The following DAPK1 variants were observed in gnomAD, a reference collection of about 807,000 sequenced individuals.
DAPK1 encodes death-associated protein kinase 1.
DAPK1 carries 56 observed loss-of-function variants against 144.9 expected under a neutral mutation model. The observed-to-expected ratio is 0.39, with a 90% confidence interval of 0.31 to 0.48. The LOEUF (loss-of-function observed/expected upper bound fraction) is 0.48, where lower values mean the gene tolerates loss of function less well. Among genes scored for constraint, DAPK1 ranks in the 20% least tolerant of loss-of-function variants. The pLI, the probability that DAPK1 is intolerant of heterozygous loss-of-function variation, is 0.95. For synonymous variants in DAPK1, 690 were observed against 749.0 expected, an observed-to-expected ratio of 0.92 and a Z score of 1.29; for missense variants, 1,454 against 1,875.4, an observed-to-expected ratio of 0.78 and a Z score of 4.15.
Position 87,699,496 on chromosome 9 carries a change from T to C in DAPK1, c.2751-621T>C, listed in dbSNP as rs145074450. Among the ~76,000 whole-genome samples, 394 of 152,314 alleles carry C rather than the reference T, an allele frequency of 2.6e-3. 2 individuals are homozygous for C. The highest frequency in any genetic ancestry group is 8.1e-3 in the African/African-American group (336 of 41,578). ...GATAGGATAGATCAGATGTCAAGTA[T>C]TATTTTGTAAAACGTTTGTTTCACT... On this transcript the variant is annotated intron_variant, in intron 23 of 25. Coordinates refer to ENST00000408954, the MANE Select transcript of DAPK1 (RefSeq NM_004938.4).
intron 17 of DAPK1, among the ~76,000 whole-genome samples, chr9:87,655,158 C>G (rs565836177): frequency 6.6e-6 from 1 of 152,260 alleles, no homozygotes; most frequent in South Asian, 2.1e-4. Context: ...AGTTTCAACC[C>G]CTTGGAATTA....
At chr9:87,585,070 A>G (rs1485635942) in intron 2 of DAPK1, among the ~76,000 whole-genome samples, 1 of 152,208 alleles carries the variant, frequency 6.6e-6, no homozygotes, top group Admixed American at 6.5e-5. Context: ...TACCATGTAT[A>G]TATTTTGACT....
At chr9:87,529,536 A>C (rs1825635371) in intron 2 of DAPK1, among the ~76,000 whole-genome samples, 1 of 152,240 alleles carries the variant, frequency 6.6e-6, no homozygotes, top group African/African-American at 2.4e-5. Context: ...GTAGATGCTC[A>C]GTAAAAAGTT....
chr9:87,534,731 G>T (rs945001495), intron 2 of DAPK1, among the ~76,000 whole-genome samples: 2 of 150,572 alleles, frequency 1.3e-5, no homozygotes, highest in African/African-American at 4.9e-5. Flanking sequence ...TGCAACCTCC[G>T]CCTCCCAGGT....
intron 3 of DAPK1, among the ~76,000 whole-genome samples, chr9:87,606,393 ATT>A (rs1164471012): frequency 2.0e-5 from 3 of 152,178 alleles, no homozygotes; most frequent in Non-Finnish European, 4.4e-5. Flanking sequence ...TGAGATAAGA[ATT>A]TTTAAATACC....
chr9:87,619,532 A>G (rs1234540251), intron 3 of DAPK1, among the ~76,000 whole-genome samples: 1 of 152,186 alleles, frequency 6.6e-6, no homozygotes, highest in Non-Finnish European at 1.5e-5. Flanking sequence ...AGCCACAGGC[A>G]CTGCTTCCCG....
chr9:87,641,865 G>C, intron 9 of DAPK1, 104 bp from the exon 10 acceptor site: 4 of 836,474 alleles, frequency 4.8e-6, no homozygotes, highest in South Asian at 1.7e-5. Context: ...TTAATAAGGT[G>C]AATGTGTAAG....
At chr9:87,561,380 G>A (rs999021068) in intron 2 of DAPK1, among the ~76,000 whole-genome samples, 27 of 152,230 alleles carry the variant, frequency 1.8e-4, no homozygotes, top group African/African-American at 5.1e-4. Context: ...CAAAAAATTA[G>A]CCGGGCGTTG....
At chr9:87,681,762 C>T in intron 20 of DAPK1, 136 bp downstream of exon 20, 2 of 675,604 alleles carry the variant, frequency 3.0e-6, no homozygotes, top group Non-Finnish European at 5.4e-6. Context: ...TAGTGGTTTT[C>T]AGGTCCAGGT....
chr9:87,702,158 C>A (rs1825477949), intron 24 of DAPK1, among the ~76,000 whole-genome samples: 1 of 152,106 alleles, frequency 6.6e-6, no homozygotes, highest in African/African-American at 2.4e-5. Flanking sequence ...ACTGCACTCA[C>A]CCCTGAGAAT....
chr9:87,577,132 A>G (rs142142925), intron 2 of DAPK1, among the ~76,000 whole-genome samples: 27 of 152,330 alleles, frequency 1.8e-4, no homozygotes, highest in African/African-American at 5.1e-4. Flanking sequence ...ATGGAACTCA[A>G]GATCAACGAG....
Position 87,672,773 on chromosome 9 carries a change from C to T in DAPK1, c.2001+4099C>T, listed in dbSNP as rs368810620. ...TAACTGCTTGGCACCTGGGCACACCCGGTACTGGAATTTGGTTATTGGAAA... is the reference window on the plus strand; with the variant it reads ...TAACTGCTTGGCACCTGGGCACACCTGGTACTGGAATTTGGTTATTGGAAA... On this transcript the variant is annotated intron_variant, in intron 19 of 25. Coordinates refer to ENST00000408954, the MANE Select transcript of DAPK1 (RefSeq NM_004938.4). Among the ~76,000 whole-genome samples, 7 of 152,152 alleles carry T rather than the reference C, an allele frequency of 4.6e-5. No homozygotes were observed. The South Asian group carries it at 6.2e-4, about 14-fold the overall frequency.
intron 25 of DAPK1, among the ~76,000 whole-genome samples, chr9:87,704,891 G>A (rs1825582263): frequency 6.6e-6 from 1 of 152,192 alleles, no homozygotes; most frequent in South Asian, 2.1e-4. Flanking sequence ...TCCAAGAAAG[G>A]AAGCAGAACT....
Position 87,658,033 on chromosome 9 carries a change from G to A in DAPK1, c.1829G>A (p.Gly610Glu), listed in dbSNP as rs766782309. 1 of 1,333,738 alleles carries A rather than the reference G, an allele frequency of 7.5e-7. No individual in the cohort carries two copies. Among genetic ancestry groups the A allele is most frequent in the Non-Finnish European group, 1.1e-6 (1 of 925,964 alleles). 82.6% of individuals were successfully genotyped at this position (1,333,738 alleles called of 1,614,324 possible). A position where few individuals can be genotyped will look rare whatever the true frequency, so the allele number is the denominator to read the frequency against. ...NCNLDISNKY[G>E]RTPLHLAANN... Reference sequence around the variant, plus strand: ...GCCTTTTTTCTCTCTTCCCAGTATGGGCGAACGCCTCTGCACCTTGCGGCC... The same window carrying A: ...GCCTTTTTTCTCTCTTCCCAGTATGAGCGAACGCCTCTGCACCTTGCGGCC... Residue 610 changes from glycine (G) to glutamate (E), a missense_variant, in exon 18 of 26, where the codon GGG becomes GAG. This residue lies in a region of DAPK1 where 1,025 missense variants were observed against 1,237.9 expected (regional missense o/e 0.83). Coordinates refer to ENST00000408954, the MANE Select transcript of DAPK1 (RefSeq NM_004938.4).
rs36217076 is a variant in DAPK1 at position 87,672,020 on chromosome 9, G to T, written c.2001+3346G>T. ...CTAGCAAGCTGTTCAACAGCTCTGT[G>T]CCTCAGTGTCCCCGCTTGTCAAATG... On this transcript the variant is annotated intron_variant, in intron 19 of 25. Coordinates refer to ENST00000408954, the MANE Select transcript of DAPK1 (RefSeq NM_004938.4). Among the ~76,000 whole-genome samples, 1,095 of 152,320 alleles carry T rather than the reference G, an allele frequency of 7.2e-3. 27 individuals carry two copies. In the East Asian group the frequency reaches 0.076, roughly 11 times the overall value.
intron 17 of DAPK1, 41 bp downstream of exon 17, chr9:87,651,765 T>G: frequency 6.4e-7 from 1 of 1,568,772 alleles, no homozygotes; most frequent in Non-Finnish European, 8.7e-7. Context: ...TCCAACTGTG[T>G]CCATCCACCC....
intron 3 of DAPK1, among the ~76,000 whole-genome samples, chr9:87,630,672 T>C (rs538619823): frequency 6.6e-6 from 1 of 152,224 alleles, no homozygotes; most frequent in East Asian, 1.9e-4. Flanking sequence ...TGCCCCTTAG[T>C]TGTGGGCCTG....
intron 6 of DAPK1, 28 bp from the exon 7 acceptor site, chr9:87,639,761 T>C: frequency 5.0e-6 from 8 of 1,613,566 alleles, no homozygotes; most frequent in Non-Finnish European, 6.8e-6. Context: ...TCTGACATGT[T>C]TTTTTGTTTG....
intron 2 of DAPK1, among the ~76,000 whole-genome samples, chr9:87,525,003 G>A (rs1825437544): frequency 6.6e-6 from 1 of 152,166 alleles, no homozygotes; most frequent in African/African-American, 2.4e-5. Flanking sequence ...ACTTGCTCAT[G>A]TAACTGAACA....
Sources: gnomAD v4.1 joint callset for allele counts (sites outside exome capture counted in the v4.1 genomes callset) on GRCh38, gnomAD v4.1.1 for gene constraint, gnomAD v4.1.1 regional missense constraint, MANE v1.5 for transcripts, NCBI Gene and HGNC (gene_info 2026-07-23, HGNC 2026-07-21) for gene names.